Variants in PTPRG observed in about 807,000 individuals in gnomAD.
The protein encoded by PTPRG is protein tyrosine phosphatase receptor type G.
A neutral mutation model predicts 165.3 loss-of-function variants in PTPRG; 102 were observed. The ratio of observed to expected loss-of-function variants is 0.62; its 90% CI spans 0.53 to 0.73. The LOEUF is 0.73. Ranked by LOEUF, PTPRG falls within the 30% of genes least tolerant of loss-of-function variation. PTPRG has a pLI of 0.00. For missense variants in PTPRG, 1,866 were observed against 1,861.4 expected, an observed-to-expected ratio of 1.00 and a Z score of -0.05; for synonymous variants, 675 against 669.5, an observed-to-expected ratio of 1.01 and a Z score of -0.13.
chr3:61,798,907 G>A (rs1487932957), intron 2 of PTPRG, among the ~76,000 whole-genome samples: 1 of 151,976 alleles, frequency 6.6e-6, no homozygotes, highest in Non-Finnish European at 1.5e-5. Context: ...AGAGCTGTGC[G>A]GTACAGAGCC....
chr3:61,845,015 C>T (rs550118650), intron 2 of PTPRG, among the ~76,000 whole-genome samples: 4 of 152,298 alleles, frequency 2.6e-5, no homozygotes, highest in Non-Finnish European at 4.4e-5. Flanking sequence ...TTGGCACATA[C>T]GTGCTAAATA....
chr3:61,765,466 T>G (rs1164504271), intron 2 of PTPRG, among the ~76,000 whole-genome samples: 1 of 152,184 alleles, frequency 6.6e-6, no homozygotes, highest in Non-Finnish European at 1.5e-5. Context: ...GGAAATAATA[T>G]TCATCTTAGT....
At chr3:62,227,479 G>A (rs1700788866) in intron 13 of PTPRG, among the ~76,000 whole-genome samples, 1 of 152,242 alleles carries the variant, frequency 6.6e-6, no homozygotes, top group African/African-American at 2.4e-5. Flanking sequence ...CAGCAGCCAT[G>A]TGTGGTAGGC....
chr3:62,006,138 G>T (rs1409132225), intron 4 of PTPRG, among the ~76,000 whole-genome samples: 1 of 152,116 alleles, frequency 6.6e-6, no homozygotes, highest in Non-Finnish European at 1.5e-5. Context: ...TGACCAGGTT[G>T]TTTGGATGTT....
intron 2 of PTPRG, among the ~76,000 whole-genome samples, chr3:61,922,175 G>A (rs1035926785): frequency 6.6e-6 from 1 of 152,214 alleles, no homozygotes; most frequent in Admixed American, 6.5e-5. Context: ...CTATTTCTCA[G>A]CCAAAAGTAC....
chr3:61,975,191 G>A (rs979447891), intron 2 of PTPRG, among the ~76,000 whole-genome samples: 1 of 152,200 alleles, frequency 6.6e-6, no homozygotes, highest in Non-Finnish European at 1.5e-5. Context: ...AAGAATTGGT[G>A]TGAAGGGTTA....
At chr3:62,081,179 C>T (rs1165762440) in intron 5 of PTPRG, among the ~76,000 whole-genome samples, 3 of 150,770 alleles carry the variant, frequency 2.0e-5, no homozygotes, top group Admixed American at 1.3e-4. Flanking sequence ...ATGGCGTGAA[C>T]GTGGGAGGCA....
At chr3:61,651,902 C>T (rs913598944) in intron 1 of PTPRG, among the ~76,000 whole-genome samples, 3 of 151,942 alleles carry the variant, frequency 2.0e-5, no homozygotes, top group South Asian at 2.1e-4. Flanking sequence ...CCCAGTTATT[C>T]GGGAGGCTGA....
chr3:61,642,914 C>A (rs1451841541), intron 1 of PTPRG, among the ~76,000 whole-genome samples: 2 of 152,126 alleles, frequency 1.3e-5, no homozygotes, highest in South Asian at 4.2e-4. Flanking sequence ...TTGTTTGCCC[C>A]TGACAGTAGA....
At chr3:61,588,903 GTC>G (rs1456212118) in intron 1 of PTPRG, among the ~76,000 whole-genome samples, 2 of 152,140 alleles carry the variant, frequency 1.3e-5, no homozygotes, top group Admixed American at 6.6e-5. Flanking sequence ...AGCAGTTGTA[GTC>G]ACCTCTCTAC....
chr3:62,070,407 T>C (rs1311192666), intron 4 of PTPRG, among the ~76,000 whole-genome samples: 1 of 152,238 alleles, frequency 6.6e-6, no homozygotes, highest in East Asian at 1.9e-4. Flanking sequence ...TGTTAGTGTT[T>C]ATGGCTTTAT....
chr3:61,995,834 A>G (rs1220567990), intron 3 of PTPRG, among the ~76,000 whole-genome samples: 1 of 150,200 alleles, frequency 6.7e-6, no homozygotes, highest in Non-Finnish European at 1.5e-5. Context: ...CAGTGGTGCA[A>G]TCTCTGCTCA....
chr3:62,292,643 T>C lies in PTPRG; in HGVS notation c.4191+87T>C, dbSNP rs1406348650. On this transcript the variant is annotated intron_variant, in intron 29 of 29. Transcript: ENST00000474889. ...TAGAGCAGTAGTTCTCAATTGGGGG[T>C]GATTTTGCCCCCCAGGGGACATTTG... 1.4e-5 allele frequency: 21 copies of C among 1,473,602 alleles called. No homozygotes were observed. In the Admixed American group the frequency reaches 3.2e-4, roughly 23 times the overall value. The allele number at this position is 1,473,602 out of a possible 1,614,324, so 91.3% of individuals were successfully genotyped here.
At chr3:61,897,948 A>G (rs143098021) in intron 2 of PTPRG, among the ~76,000 whole-genome samples, 9 of 151,804 alleles carry the variant, frequency 5.9e-5, no homozygotes, top group African/African-American at 1.7e-4. Context: ...GTTTTTTTTC[A>G]TGGATTCCTT....
chr3:61,781,614 T>G (rs560853931), intron 2 of PTPRG, among the ~76,000 whole-genome samples: 1 of 152,336 alleles, frequency 6.6e-6, no homozygotes, highest in Admixed American at 6.5e-5. Context: ...TCTGATTTGG[T>G]CAACAAATAT....
intron 1 of PTPRG, among the ~76,000 whole-genome samples, chr3:61,627,703 G>A (rs1446402946): frequency 6.6e-6 from 1 of 152,134 alleles, no homozygotes; most frequent in South Asian, 2.1e-4. Context: ...ATTTTAGAAT[G>A]CTTTTGTAGG....
At chr3:61,591,909 A>G (rs560159348) in intron 1 of PTPRG, among the ~76,000 whole-genome samples, 7 of 152,134 alleles carry the variant, frequency 4.6e-5, no homozygotes, top group Non-Finnish European at 8.8e-5. Flanking sequence ...ATTGTTCCTC[A>G]AAGGGGTAGA....
chr3:61,809,864 C>G (rs985827764), intron 2 of PTPRG, among the ~76,000 whole-genome samples: 7 of 152,282 alleles, frequency 4.6e-5, no homozygotes, highest in South Asian at 2.1e-4. Flanking sequence ...GCTCTGTGCT[C>G]TCTTGATTTC....
intron 1 of PTPRG, among the ~76,000 whole-genome samples, chr3:61,731,976 A>G (rs2032519300): frequency 6.6e-6 from 1 of 150,810 alleles, no homozygotes; most frequent in Non-Finnish European, 1.5e-5. Flanking sequence ...TAATTTTTGT[A>G]TTTTCAATAG....
Sources: allele counts gnomAD v4.1 joint callset (sites outside exome capture counted in the v4.1 genomes callset), GRCh38; gene constraint gnomAD v4.1.1; transcripts MANE v1.5; gene names NCBI Gene and HGNC (gene_info 2026-07-23, HGNC 2026-07-21).